TSPAN2: variants seen among roughly 807,000 people sequenced by gnomAD.
TSPAN2 encodes tetraspanin-2.
In TSPAN2, 24 loss-of-function variants were observed where a neutral mutation model predicts 33.3. The ratio of observed to expected loss-of-function variants is 0.72; its 90% CI spans 0.52 to 1.01. The LOEUF (loss-of-function observed/expected upper bound fraction) is 1.01, where lower values mean the gene tolerates loss of function less well. Ranked by LOEUF, TSPAN2 falls within the 50% of genes least tolerant of loss-of-function variation. The pLI is 0.00. For synonymous variants in TSPAN2, 114 were observed against 104.5 expected, an observed-to-expected ratio of 1.09 and a Z score of -0.56; for missense variants, 278 against 281.3, an observed-to-expected ratio of 0.99 and a Z score of 0.08.
intron 3 of TSPAN2, 63 bp from the exon 4 acceptor site, chr1:115,060,601 AC>A: frequency 7.3e-7 from 1 of 1,361,862 alleles, no homozygotes; most frequent in Non-Finnish European, 1.0e-6. Flanking sequence ...TATATTTTGC[AC>A]CTTAGTTTCC....
At chr1:115,059,878 C>G (rs906989077) in intron 4 of TSPAN2, among the ~76,000 whole-genome samples, 2 of 152,170 alleles carry the variant, frequency 1.3e-5, no homozygotes, top group African/African-American at 4.8e-5. Flanking sequence ...TGAAATACAC[C>G]AAACTTAAGT....
Position 115,087,013 on chromosome 1 carries a change from G to A in TSPAN2, c.69+2351C>T, listed in dbSNP as rs188011859. ...CAGCTCACTGCAACCTCTGCCTCCC[G>A]GGTTCAAGAGATTCTTCTGCTTCAG... On this transcript the variant is annotated intron_variant, in intron 1 of 7. Coordinates refer to ENST00000369516, the MANE Select transcript of TSPAN2 (RefSeq NM_005725.6). Among the ~76,000 whole-genome samples, 64 of 152,080 alleles carry A rather than the reference G, an allele frequency of 4.2e-4. No individual in the cohort carries two copies. The East Asian group carries it at 9.8e-3, about 23-fold the overall frequency.
intron 1 of TSPAN2, among the ~76,000 whole-genome samples, 174 bp from the exon 2 acceptor site, chr1:115,073,181 C>T (rs573241683): frequency 1.1e-4 from 17 of 152,284 alleles, no homozygotes; most frequent in Non-Finnish European, 2.1e-4. Context: ...GTGATGTGCA[C>T]GAAGCCCCTC....
At chr1:115,059,613 C>T (rs762162523) in intron 4 of TSPAN2, among the ~76,000 whole-genome samples, 1 of 152,206 alleles carries the variant, frequency 6.6e-6, no homozygotes, top group Non-Finnish European at 1.5e-5. Context: ...AAACTTTCTA[C>T]ATTCAGATAT....
chr1:115,088,466 T>A (rs921128329), intron 1 of TSPAN2, among the ~76,000 whole-genome samples: 3 of 152,144 alleles, frequency 2.0e-5, no homozygotes, highest in Non-Finnish European at 4.4e-5. Flanking sequence ...GAAAAGACAA[T>A]TTTCAGACCT....
rs1158722637 is a variant in TSPAN2 at position 115,072,906 on chromosome 1, C to T, written c.171G>A (p.Val57=). Residue 57 remains valine, a splice_region_variant and synonymous_variant, in exon 2 of 8, where the codon GTG becomes GTA. Transcript: ENST00000369516. ...GCTTAGGAAGCTGGAGTCACTCACC[C>T]ACATAGAAATACTCTGGGGACTTGT... The part of the protein sequence containing the change: ...SEDKSPEYFY[V]GLYVLVGAGA... The T allele has an allele frequency of 1.9e-6, 3 of 1,612,472 alleles. No individual in the cohort carries two copies. The Admixed American group carries it at 5.0e-5, about 27-fold the overall frequency.
chr1:115,057,304 T>C (rs1262257982), intron 6 of TSPAN2, among the ~76,000 whole-genome samples: 2 of 152,234 alleles, frequency 1.3e-5, no homozygotes, highest in Non-Finnish European at 2.9e-5. Context: ...TCACCACTCC[T>C]GTAGTTGTCA....
chr1:115,067,396 A>G (rs1035485380), intron 2 of TSPAN2, among the ~76,000 whole-genome samples: 2 of 152,198 alleles, frequency 1.3e-5, no homozygotes, highest in Non-Finnish European at 2.9e-5. Flanking sequence ...GGCTTGAGGT[A>G]AGTCTTCCTA....
At chr1:115,063,545 C>G (rs1421252115) in intron 2 of TSPAN2, among the ~76,000 whole-genome samples, 1 of 152,210 alleles carries the variant, frequency 6.6e-6, no homozygotes, top group Non-Finnish European at 1.5e-5. Context: ...TACCACTCGA[C>G]CCGGCAATCC....
At chr1:115,067,124 G>A (rs1358020696) in intron 2 of TSPAN2, among the ~76,000 whole-genome samples, 1 of 152,204 alleles carries the variant, frequency 6.6e-6, no homozygotes, top group Admixed American at 6.5e-5. Flanking sequence ...CATAGCTTGT[G>A]AGGGGAAAAA....
At chr1:115,079,272 G>A (rs868576591) in intron 1 of TSPAN2, among the ~76,000 whole-genome samples, 16 of 152,050 alleles carry the variant, frequency 1.1e-4, no homozygotes, top group Non-Finnish European at 2.9e-5. Flanking sequence ...TTGGGATGAA[G>A]TCACAAAATT....
intron 7 of TSPAN2, among the ~76,000 whole-genome samples, 198 bp from the exon 8 acceptor site, chr1:115,050,753 T>C (rs930250896): frequency 2.6e-5 from 4 of 152,210 alleles, no homozygotes; most frequent in Admixed American, 6.5e-5. Flanking sequence ...AAATGTGTAT[T>C]ATTATTGTTA....
rs370747686 is a variant in TSPAN2 at position 115,089,317 on chromosome 1, C to T, written c.69+47G>A. The T allele has an allele frequency of 3.0e-3, 4,285 of 1,450,326 alleles. 22 individuals carry two copies. The highest frequency in any genetic ancestry group is 3.5e-3 in the Non-Finnish European group (3,796 of 1,075,508). The allele number at this position is 1,450,326 out of a possible 1,614,324, so 89.8% of individuals were successfully genotyped here. A position where few individuals can be genotyped will look rare whatever the true frequency, so the allele number is the denominator to read the frequency against. On this transcript the variant is annotated intron_variant, in intron 1 of 7. Coordinates refer to ENST00000369516, the MANE Select transcript of TSPAN2 (RefSeq NM_005725.6). ...CTCGGGGACCCCGGCCCCGCGCCCG[C>T]CACCCGGCCCCCTGCCCTGACCGGC... is the stretch of plus-strand genomic sequence containing the variant.
chr1:115,079,728 C>T (rs376433946), intron 1 of TSPAN2, among the ~76,000 whole-genome samples: 5 of 152,214 alleles, frequency 3.3e-5, no homozygotes, highest in Admixed American at 6.5e-5. Context: ...CAGCCTGTGG[C>T]GATGAGAAGG....
At chr1:115,058,672 T>C (rs1647533255) in intron 5 of TSPAN2, among the ~76,000 whole-genome samples, 1 of 152,260 alleles carries the variant, frequency 6.6e-6, no homozygotes, top group Non-Finnish European at 1.5e-5. Context: ...CATGCTCTTC[T>C]GTCTCTCTTG....
At chr1:115,089,189 TC>T (rs1412093883) in intron 1 of TSPAN2, among the ~76,000 whole-genome samples, 174 bp downstream of exon 1, 2 of 152,136 alleles carry the variant, frequency 1.3e-5, no homozygotes, top group Non-Finnish European at 2.9e-5. Flanking sequence ...TCCCGTTCTC[TC>T]CCTTCCATCC....
chr1:115,072,937 G>A lies in TSPAN2; in HGVS notation c.140C>T (p.Ser47Leu). ...RFGGAIKELS[S>L]EDKSPEYFYV... ...GAAATACTCTGGGGACTTGTCCTCT[G>A]ATGATAACTCCTTTATGGCACCTCC... The change falls in exon 2 of 8, where the codon TCA becomes TTA. Residue 47 changes from serine to leucine, a missense_variant. Physicochemically the swap from Ser to Leu is moderately radical, Grantham distance 145. Transcript: ENST00000369516. 7 of 1,614,102 alleles carry A rather than the reference G, an allele frequency of 4.3e-6. No individual in the cohort carries two copies. The highest frequency in any genetic ancestry group is 5.9e-6 in the Non-Finnish European group (7 of 1,179,970).
At chr1:115,084,489 G>C (rs1226937781) in intron 1 of TSPAN2, among the ~76,000 whole-genome samples, 1 of 152,094 alleles carries the variant, frequency 6.6e-6, no homozygotes, top group African/African-American at 2.4e-5. Flanking sequence ...CCATAGCTGT[G>C]GCTTCTTCAG....
chr1:115,086,417 C>T (rs1237486590), intron 1 of TSPAN2, among the ~76,000 whole-genome samples: 2 of 152,218 alleles, frequency 1.3e-5, no homozygotes, highest in Non-Finnish European at 2.9e-5. Flanking sequence ...GTGGATGGTG[C>T]GTCACCCCCT....
Sources: gnomAD v4.1 joint callset for allele counts (sites outside exome capture counted in the v4.1 genomes callset) on GRCh38, gnomAD v4.1.1 for gene constraint, MANE v1.5 for transcripts, NCBI Gene and HGNC (gene_info 2026-07-23, HGNC 2026-07-21) for gene names.